ZNF202: variants seen among roughly 807,000 people sequenced by gnomAD.
The protein encoded by ZNF202 is zinc finger protein 202.
Under a neutral mutation model 54.5 loss-of-function variants are expected in ZNF202, and 22 were observed. That is an observed-to-expected ratio of 0.40 (90% CI 0.29 to 0.58). The LOEUF (loss-of-function observed/expected upper bound fraction) is 0.58, where lower values mean the gene tolerates loss of function less well. Ranked by LOEUF, ZNF202 falls within the 20% of genes least tolerant of loss-of-function variation. The probability of loss-of-function intolerance (pLI) is 0.39; values close to 1 mark genes in which losing one functional copy is unlikely to be tolerated. For missense variants in ZNF202, 644 were observed against 805.5 expected (o/e 0.80, Z 2.43); for synonymous variants, 294 against 301.4 (o/e 0.98, Z 0.26).
Position 123,729,717 on chromosome 11 carries a change from G to T in ZNF202, c.511C>A (p.Pro171Thr), listed in dbSNP as rs1861320828. The T allele has an allele frequency of 2.5e-6, 4 of 1,613,784 alleles. No homozygotes were observed. Among genetic ancestry groups the T allele is most frequent in the East Asian group, 4.5e-5 (2 of 44,868 alleles). ...GTGGTTTCCTCAGGAGACTGCTCGG[G>T]GGTCGAGCTTTGCACAGGATCCTGC... is the stretch of plus-strand genomic sequence containing the variant. The part of the protein sequence containing the change: ...ELQDPVQSST[P>T]EQSPEETTQS... Residue 171 changes from proline to threonine, a missense_variant, in exon 5 of 9, where the codon CCC becomes ACC. Physicochemically the swap from Pro to Thr is conservative, Grantham distance 38 (BLOSUM62 -1). Around this residue, in one of 3 missense-constraint regions of ZNF202, gnomAD observed 536 missense variants for 635.3 expected, o/e 0.84. Coordinates refer to ENST00000530393, the MANE Select transcript of ZNF202 (RefSeq NM_003455.4).
chr11:123,733,230 A>G (rs1861487812), intron 3 of ZNF202, among the ~76,000 whole-genome samples: 1 of 151,762 alleles, frequency 6.6e-6, no homozygotes, highest in African/African-American at 2.4e-5. Context: ...CCATCAAATG[A>G]GTTTACAGTC....
intron 3 of ZNF202, chr11:123,739,622 T>C (rs1476288601): frequency 6.6e-6 from 1 of 152,140 alleles, no homozygotes; most frequent in African/African-American, 2.4e-5. Flanking sequence ...CATTCAGTTG[T>C]TTTAAGTACG....
intron 3 of ZNF202, chr11:123,739,609 T>G (rs375793616): frequency 6.6e-6 from 1 of 152,230 alleles, no homozygotes; most frequent in Non-Finnish European, 1.5e-5. Context: ...ATTTGGCATA[T>G]AGCATTCAGT....
chr11:123,736,093 T>G (rs772680539), intron 3 of ZNF202, among the ~76,000 whole-genome samples: 11 of 152,192 alleles, frequency 7.2e-5, no homozygotes, highest in Admixed American at 2.0e-4. Flanking sequence ...AGGTAAGACC[T>G]CTGTACAATC....
Position 123,727,481 on chromosome 11 carries a change from T to C in ZNF202, c.947A>G (p.Tyr316Cys), listed in dbSNP as rs1268044556. The C allele has an allele frequency of 3.1e-6, 5 of 1,613,950 alleles. No individual in the cohort carries two copies. The African/African-American group carries it at 4.0e-5, about 13-fold the overall frequency. Reference sequence around the variant, plus strand: ...CCGTTTTTGTCATTCCTCACCTGTGTAGGTAAAACTCAGGATTTCTGGCTC... The same window carrying C: ...CCGTTTTTGTCATTCCTCACCTGTGCAGGTAAAACTCAGGATTTCTGGCTC... ...TQEPEILSFT[Y>C]TGDRSKDEEE... Residue 316 changes from tyrosine (Y) to cysteine (C), a missense_variant, in exon 8 of 9, where the codon TAC becomes TGC. Tyr to Cys is a radical substitution (Grantham distance 194, BLOSUM62 -2). Transcript: ENST00000530393.
intron 3 of ZNF202, among the ~76,000 whole-genome samples, chr11:123,731,266 C>T (rs1027232462): frequency 2.0e-5 from 3 of 152,226 alleles, no homozygotes; most frequent in Admixed American, 6.5e-5. Context: ...CTTAAGTCTC[C>T]AAACCGGTTC....
chr11:123,740,423 G>A lies in ZNF202; in HGVS notation c.-180C>T, dbSNP rs1861812059. 1 of 152,304 alleles carries A rather than the reference G, an allele frequency of 6.6e-6. No homozygotes were observed. Among genetic ancestry groups the A allele is most frequent in the Non-Finnish European group, 1.5e-5 (1 of 68,076 alleles). The allele number at this position is 152,304 out of a possible 1,614,324, so 9.4% of individuals were successfully genotyped here. A position where few individuals can be genotyped will look rare whatever the true frequency, so the allele number is the denominator to read the frequency against. On this transcript the variant is annotated 5_prime_UTR_variant, in exon 2 of 9. Coordinates refer to ENST00000530393, the MANE Select transcript of ZNF202 (RefSeq NM_003455.4). ...CCCAAGGCTATCCCACAACCTTTCTGAAGTAGCTTCCTGGATCAAGCCCCA... is the reference window on the plus strand; with the variant it reads ...CCCAAGGCTATCCCACAACCTTTCTAAAGTAGCTTCCTGGATCAAGCCCCA...
At chr11:123,732,284 A>G (rs1861441674) in intron 3 of ZNF202, among the ~76,000 whole-genome samples, 1 of 152,134 alleles carries the variant, frequency 6.6e-6, no homozygotes, top group Non-Finnish European at 1.5e-5. Flanking sequence ...TTTCCTATCT[A>G]AGATCCTTCC....
Position 123,724,680 on chromosome 11 carries a change from G to A in ZNF202, c.*1317C>T, listed in dbSNP as rs577154050. 5.3e-5 allele frequency: 8 copies of A among 152,162 alleles called. No individual in the cohort carries two copies. The highest frequency in any genetic ancestry group is 1.2e-4 in the Non-Finnish European group (8 of 68,036). 9.4% of individuals were successfully genotyped at this position (152,162 alleles called of 1,614,324 possible). ...CATAATTATTCAGCCTCATCTCCAAGGAACCTTTAACTGGCAACAGAGATT... is the reference window on the plus strand; with the variant it reads ...CATAATTATTCAGCCTCATCTCCAAAGAACCTTTAACTGGCAACAGAGATT... On this transcript the variant is annotated 3_prime_UTR_variant, in exon 9 of 9. Coordinates refer to ENST00000530393, the MANE Select transcript of ZNF202 (RefSeq NM_003455.4).
At chr11:123,727,067 CA>C in intron 8 of ZNF202, 76 bp from the exon 9 acceptor site, 1 of 1,517,940 alleles carries the variant, frequency 6.6e-7, no homozygotes, top group Non-Finnish European at 8.8e-7. Flanking sequence ...GAGATTTTTA[CA>C]AAGGGTTTTG....
intron 3 of ZNF202, among the ~76,000 whole-genome samples, chr11:123,735,827 A>T (rs941748763): frequency 1.3e-5 from 2 of 152,230 alleles, no homozygotes; most frequent in African/African-American, 4.8e-5. Flanking sequence ...TCTATAATTA[A>T]TGGGATGTGC....
At chr11:123,728,068 C>A (rs754163316) in intron 7 of ZNF202, 65 bp downstream of exon 7, 12 of 1,560,308 alleles carry the variant, frequency 7.7e-6, no homozygotes, top group African/African-American at 1.4e-5. Flanking sequence ...TAAGATCCCC[C>A]AAAATTTCCA....
intron 7 of ZNF202, among the ~76,000 whole-genome samples, chr11:123,727,867 T>G (rs914507594): frequency 6.6e-6 from 1 of 152,236 alleles, no homozygotes; most frequent in Non-Finnish European, 1.5e-5. Flanking sequence ...TCTTACTGTT[T>G]TAAAACTCAT....
intron 8 of ZNF202, 74 bp downstream of exon 8, chr11:123,727,402 T>C: frequency 6.3e-7 from 1 of 1,595,970 alleles, no homozygotes; most frequent in Non-Finnish European, 8.5e-7. Flanking sequence ...AGCGGGGCCC[T>C]ACAGAGAGAG....
rs1305873627 is a variant in ZNF202, at chr11:123,724,040, G to A, written c.*1957C>T. ...TTTATAAATGGTTAAGTCTGAGCTA[G>A]GAGAAACTATCTTTTGTGGCAGACA... On this transcript the variant is annotated 3_prime_UTR_variant, in exon 9 of 9. Coordinates refer to ENST00000530393, the MANE Select transcript of ZNF202 (RefSeq NM_003455.4). 6.6e-6 allele frequency: 1 copy of A among 152,224 alleles called. No homozygotes were observed. The highest frequency in any genetic ancestry group is 1.5e-5 in the Non-Finnish European group (1 of 68,044). 9.4% of individuals were successfully genotyped at this position (152,224 alleles called of 1,614,324 possible).
intron 3 of ZNF202, among the ~76,000 whole-genome samples, chr11:123,737,286 T>C (rs978508566): frequency 1.3e-5 from 2 of 152,204 alleles, no homozygotes; most frequent in African/African-American, 2.4e-5. Context: ...GCACAATGAA[T>C]GAAAGGGAAT....
rs1384013370 is a variant in ZNF202 at position 123,723,960 on chromosome 11, G to A, written c.*2037C>T. ...ACAGATTTTCATTTATTGGAATAAT[G>A]CAAATAAGAAAATTAAAAAGTCAAT... On this transcript the variant is annotated 3_prime_UTR_variant, in exon 9 of 9. Transcript: ENST00000530393. Among the ~76,000 whole-genome samples, 1 of 152,184 alleles carries A rather than the reference G, an allele frequency of 6.6e-6. No homozygotes were observed. The highest frequency in any genetic ancestry group is 6.5e-5 in the Admixed American group (1 of 15,274).
rs1012871068 is a variant in ZNF202, at chr11:123,726,593, C to T, written c.1351G>A (p.Ala451Thr). The stretch of plus-strand genomic sequence containing the variant: ...CGGTTTAGGGGATATTTGTAAGGCG[C>T]GTTCATCTTGTGAACCTTTTGGTGC... ...ARHQKVHKMN[A>T]PYKYPLNRKN... Residue 451 changes from alanine to threonine, a missense_variant, in exon 9 of 9, where the codon GCG (alanine) becomes ACG (threonine). Physicochemically the swap from Ala to Thr is moderately conservative, Grantham distance 58. Around this residue, in one of 3 missense-constraint regions of ZNF202, gnomAD observed 536 missense variants for 635.3 expected, o/e 0.84. Coordinates refer to ENST00000530393, the MANE Select transcript of ZNF202 (RefSeq NM_003455.4). The surrounding 1 kb of genome is among the most constrained non-coding windows in gnomAD (Gnocchi z 6.0). 18 of 1,614,072 alleles carry T rather than the reference C, an allele frequency of 1.1e-5. No homozygotes were observed. The highest frequency in any genetic ancestry group is 3.3e-4 in the Middle Eastern group (2 of 6,084).
At chr11:123,735,977 TTAAG>T (rs1440248505) in intron 3 of ZNF202, among the ~76,000 whole-genome samples, 3 of 152,182 alleles carry the variant, frequency 2.0e-5, no homozygotes, top group African/African-American at 7.2e-5. Flanking sequence ...CAGGCCAGGA[TTAAG>T]TAAGAGACTT....
Sources: gnomAD v4.1 joint callset for allele counts (sites outside exome capture counted in the v4.1 genomes callset) on GRCh38, gnomAD v4.1.1 for gene constraint, gnomAD v4.1.1 regional missense constraint, Gnocchi (gnomAD v3.1) non-coding constraint, MANE v1.5 for transcripts, NCBI Gene and HGNC (gene_info 2026-07-23, HGNC 2026-07-21) for gene names.